The following ST6GALNAC3 variants were observed in gnomAD, a reference collection of about 807,000 sequenced individuals.
ST6GALNAC3 encodes ST6 N-acetylgalactosaminide alpha-2,6-sialyltransferase 3.
Under a neutral mutation model 32.7 loss-of-function variants are expected in ST6GALNAC3, and 25 were observed. The observed-to-expected ratio is 0.76, with a 90% confidence interval of 0.56 to 1.07. ST6GALNAC3 has a LOEUF of 1.07. Among genes scored for constraint, ST6GALNAC3 ranks in the 50% least tolerant of loss-of-function variants. The probability of loss-of-function intolerance (pLI) is 0.00; values close to 1 mark genes in which losing one functional copy is unlikely to be tolerated. For missense variants in ST6GALNAC3, 355 were observed against 382.4 expected (o/e 0.93, Z 0.60); for synonymous variants, 129 against 133.1 (o/e 0.97, Z 0.21).
chr1:76,121,093 G>A (rs1345248103), intron 1 of ST6GALNAC3, among the ~76,000 whole-genome samples: 2 of 152,104 alleles, frequency 1.3e-5, no homozygotes, highest in African/African-American at 2.4e-5. Flanking sequence ...TTACAATGAG[G>A]TTCACCTAGA....
At chr1:76,118,942 C>T (rs567305986) in intron 1 of ST6GALNAC3, among the ~76,000 whole-genome samples, 1 of 152,298 alleles carries the variant, frequency 6.6e-6, no homozygotes, top group South Asian at 2.1e-4. Flanking sequence ...CTTGCCTCAG[C>T]CTCCTGAGTA....
At chr1:76,401,407 C>T (rs1653405528) in intron 2 of ST6GALNAC3, among the ~76,000 whole-genome samples, 1 of 152,024 alleles carries the variant, frequency 6.6e-6, no homozygotes, top group South Asian at 2.1e-4. Flanking sequence ...TTTCATTTCC[C>T]TGCAAAATTT....
At chr1:76,276,006 C>T (rs539108621) in intron 1 of ST6GALNAC3, among the ~76,000 whole-genome samples, 1 of 152,208 alleles carries the variant, frequency 6.6e-6, no homozygotes, top group East Asian at 1.9e-4. Flanking sequence ...AAATAGCTAG[C>T]ATTTCCAGGT....
chr1:76,170,105 G>C (rs1652380257), intron 1 of ST6GALNAC3, among the ~76,000 whole-genome samples: 1 of 152,070 alleles, frequency 6.6e-6, no homozygotes, highest in Non-Finnish European at 1.5e-5. Context: ...GATTTTAGAG[G>C]GCCAACATTC....
At chr1:76,330,494 T>C (rs1647169638) in intron 2 of ST6GALNAC3, among the ~76,000 whole-genome samples, 1 of 152,232 alleles carries the variant, frequency 6.6e-6, no homozygotes, top group Non-Finnish European at 1.5e-5. Flanking sequence ...CTCTGTCTTC[T>C]GACATCAAAT....
At chr1:76,156,694 C>A (rs1350121540) in intron 1 of ST6GALNAC3, among the ~76,000 whole-genome samples, 1 of 152,158 alleles carries the variant, frequency 6.6e-6, no homozygotes, top group African/African-American at 2.4e-5. Flanking sequence ...TCTTGTACAT[C>A]TTCTGCCCTA....
chr1:76,438,319 T>A (rs1407092405), intron 3 of ST6GALNAC3, among the ~76,000 whole-genome samples: 1 of 152,018 alleles, frequency 6.6e-6, no homozygotes, highest in Non-Finnish European at 1.5e-5. Context: ...GCCCGGCTAA[T>A]TTTTTGTATT....
In ST6GALNAC3 at chr1:76,542,918, T is replaced by C. The variant is rs80277520; in HGVS notation, c.624-84534T>C. On this transcript the variant is annotated intron_variant, in intron 3 of 4. Coordinates refer to ENST00000328299, the MANE Select transcript of ST6GALNAC3 (RefSeq NM_152996.4). ...ACAGGTAATGTCACTGTTTGTGCCT[T>C]GTTTTTGCCCTCTGTGGGGTTGTTT... is the stretch of plus-strand genomic sequence containing the variant. 7.0e-3 allele frequency among the ~76,000 whole-genome samples: 1,068 copies of C among 152,242 alleles called. 17 individuals are homozygous for C. The highest frequency in any genetic ancestry group is 0.041 in the East Asian group (213 of 5,176).
chr1:76,512,984 T>C (rs939945471), intron 3 of ST6GALNAC3, among the ~76,000 whole-genome samples: 1 of 151,836 alleles, frequency 6.6e-6, no homozygotes, highest in Non-Finnish European at 1.5e-5. Context: ...TTTAGGTATA[T>C]TGGGTTTTTT....
chr1:76,453,517 C>A (rs1373621781), intron 3 of ST6GALNAC3, among the ~76,000 whole-genome samples: 1 of 152,078 alleles, frequency 6.6e-6, no homozygotes, highest in African/African-American at 2.4e-5. Flanking sequence ...AAATTTCCAT[C>A]TTGATTTCAT....
intron 3 of ST6GALNAC3, among the ~76,000 whole-genome samples, chr1:76,545,919 A>T (rs1664271790): frequency 6.6e-6 from 1 of 152,234 alleles, no homozygotes; most frequent in Non-Finnish European, 1.5e-5. Context: ...TCAGCCTTCC[A>T]AAGTGCTGGG....
At chr1:76,112,891 C>T (rs1483502174) in intron 1 of ST6GALNAC3, among the ~76,000 whole-genome samples, 2 of 150,080 alleles carry the variant, frequency 1.3e-5, no homozygotes, top group Admixed American at 6.6e-5. Context: ...ACATCCCAGA[C>T]GATGGGCGGC....
At chr1:76,306,093 T>C (rs939063633) in intron 1 of ST6GALNAC3, among the ~76,000 whole-genome samples, 1 of 152,112 alleles carries the variant, frequency 6.6e-6, no homozygotes, top group African/African-American at 2.4e-5. Flanking sequence ...AAGAGGCTGG[T>C]GTGAAGCATG....
At chr1:76,403,615 C>T (rs1653596239) in intron 2 of ST6GALNAC3, among the ~76,000 whole-genome samples, 1 of 152,074 alleles carries the variant, frequency 6.6e-6, no homozygotes, top group South Asian at 2.1e-4. Context: ...CCGCCATTGC[C>T]ATTTTTAAAA....
chr1:76,577,254 G>A (rs1194209406), intron 3 of ST6GALNAC3: 5 of 993,432 alleles, frequency 5.0e-6, no homozygotes, highest in Non-Finnish European at 6.0e-6. Flanking sequence ...ACTACTGAAT[G>A]GAGAGCTTTC....
intron 3 of ST6GALNAC3, among the ~76,000 whole-genome samples, chr1:76,587,048 C>G (rs975777681): frequency 6.6e-5 from 10 of 152,192 alleles, no homozygotes; most frequent in Admixed American, 3.3e-4. Flanking sequence ...TGATGCAATG[C>G]TTTAACACTG....
At chr1:76,401,901 A>T (rs1653447447) in intron 2 of ST6GALNAC3, among the ~76,000 whole-genome samples, 3 of 151,344 alleles carry the variant, frequency 2.0e-5, no homozygotes. Flanking sequence ...CCAGAAACAG[A>T]GCTCACCTAT....
Position 76,630,099 on chromosome 1 carries a change from C to G in ST6GALNAC3, c.*1293C>G. The G allele has an allele frequency of 1.0e-6, 1 of 985,066 alleles. No individual in the cohort carries two copies. The highest frequency in any genetic ancestry group is 1.2e-6 in the Non-Finnish European group (1 of 829,694). The allele number at this position is 985,066 out of a possible 1,614,324, so 61.0% of individuals were successfully genotyped here. A position where few individuals can be genotyped will look rare whatever the true frequency, so the allele number is the denominator to read the frequency against. On this transcript the variant is annotated 3_prime_UTR_variant, in exon 5 of 5. Coordinates refer to ENST00000328299, the MANE Select transcript of ST6GALNAC3 (RefSeq NM_152996.4). ...TGGGCTATTGTCTGTGTATTCTGCT[C>G]TCTTTAGCAGATGATCTGTAATTTG...
chr1:76,416,820 G>C (rs1654669465), intron 3 of ST6GALNAC3, among the ~76,000 whole-genome samples: 1 of 151,726 alleles, frequency 6.6e-6, no homozygotes, highest in African/African-American at 2.4e-5. Context: ...TAGAGATGGG[G>C]TTTCACCATA....
Sources: allele counts gnomAD v4.1 joint callset (sites outside exome capture counted in the v4.1 genomes callset), GRCh38; gene constraint gnomAD v4.1.1; transcripts MANE v1.5; gene names NCBI Gene and HGNC (gene_info 2026-07-23, HGNC 2026-07-21).